SDK1: variants seen among roughly 807,000 people sequenced by gnomAD.
SDK1 encodes the protein protein sidekick-1.
Under a neutral mutation model 245.5 loss-of-function variants are expected in SDK1, and 157 were observed. The ratio of observed to expected loss-of-function variants is 0.64; its 90% CI spans 0.56 to 0.73. The LOEUF is 0.73. Among genes scored for constraint, SDK1 ranks in the 30% least tolerant of loss-of-function variants. The pLI is 0.00. For missense variants in SDK1, 3,583 were observed against 3,002.3 expected (o/e 1.19, Z -4.52); for synonymous variants, 1,647 against 1,278.5 (o/e 1.29, Z -6.15).
chr7:4,052,034 C>T lies in SDK1; in HGVS notation c.2911+204C>T, dbSNP rs115376854. Among the ~76,000 whole-genome samples, 517 of 152,100 alleles carry T rather than the reference C, an allele frequency of 3.4e-3. 5 individuals carry two copies. The highest frequency in any genetic ancestry group is 0.012 in the African/African-American group (488 of 41,510). On this transcript the variant is annotated intron_variant, in intron 19 of 44. Transcript: ENST00000404826. ...ATGGCACGTGGACAGTGGAGGGTGGCCTTGGCTCAAGGAAGGAGCTCTGGG... is the reference window on the plus strand; with the variant it reads ...ATGGCACGTGGACAGTGGAGGGTGGTCTTGGCTCAAGGAAGGAGCTCTGGG...
At chr7:3,824,340 A>G (rs117405437) in intron 5 of SDK1, among the ~76,000 whole-genome samples, 2,009 of 152,348 alleles carry the variant, frequency 0.013, 30 homozygotes, top group Middle Eastern at 0.031. Flanking sequence ...TGAAAAATCA[A>G]AAGATATTAC....
chr7:3,587,327 G>GTGTT (rs1780723660), intron 1 of SDK1, among the ~76,000 whole-genome samples: 1 of 143,120 alleles, frequency 7.0e-6, no homozygotes. Flanking sequence ...GTGTGTGTGT[G>GTGTT]TCTAAAGAGA....
intron 1 of SDK1, among the ~76,000 whole-genome samples, chr7:3,489,248 T>C (rs1272263418): frequency 6.6e-6 from 1 of 152,148 alleles, no homozygotes; most frequent in Non-Finnish European, 1.5e-5. Context: ...GTTGAATACT[T>C]TATTAGCCAT....
chr7:3,550,005 T>C (rs917033972), intron 1 of SDK1, among the ~76,000 whole-genome samples: 2 of 152,192 alleles, frequency 1.3e-5, no homozygotes, highest in Non-Finnish European at 2.9e-5. Flanking sequence ...GTCTGTAATA[T>C]GCCTATTAAA....
chr7:3,374,100 T>C (rs369780567), intron 1 of SDK1, among the ~76,000 whole-genome samples: 83 of 152,310 alleles, frequency 5.4e-4, no homozygotes, highest in African/African-American at 1.9e-3. Context: ...GACACTCTGA[T>C]ATCCACGGTA....
At chr7:3,419,273 G>A (rs1779468410) in intron 1 of SDK1, among the ~76,000 whole-genome samples, 1 of 152,166 alleles carries the variant, frequency 6.6e-6, no homozygotes. Context: ...TTGAACCTAG[G>A]CATCCTGGCT....
At chr7:3,730,229 C>A (rs1301391997) in intron 4 of SDK1, among the ~76,000 whole-genome samples, 1 of 152,168 alleles carries the variant, frequency 6.6e-6, no homozygotes, top group African/African-American at 2.4e-5. Context: ...AAGGGCATCT[C>A]AGCCTCACAT....
intron 5 of SDK1, among the ~76,000 whole-genome samples, chr7:3,837,381 C>T (rs768076580): frequency 6.6e-6 from 1 of 152,180 alleles, no homozygotes; most frequent in Non-Finnish European, 1.5e-5. Context: ...GGACCCCTTT[C>T]CCCAGTTTAA....
At chr7:3,302,163 C>T (rs1462081119) in intron 1 of SDK1, 7 of 160,462 alleles carry the variant, frequency 4.4e-5, no homozygotes, top group Non-Finnish European at 6.8e-5. Context: ...ACCCATTTCT[C>T]AGCTCCTTAA....
intron 1 of SDK1, among the ~76,000 whole-genome samples, chr7:3,388,465 A>G (rs1456869623): frequency 6.6e-6 from 1 of 152,014 alleles, no homozygotes; most frequent in African/African-American, 2.4e-5. Flanking sequence ...CAGTGGCAAG[A>G]TCATAGCTCA....
intron 14 of SDK1, among the ~76,000 whole-genome samples, chr7:3,990,795 G>C (rs1442978902): frequency 3.3e-5 from 5 of 152,212 alleles, no homozygotes; most frequent in African/African-American, 1.2e-4. Context: ...TTCCAAAACA[G>C]AGGCATTCTA....
intron 4 of SDK1, among the ~76,000 whole-genome samples, chr7:3,792,995 A>G (rs1053414865): frequency 5.3e-5 from 8 of 152,198 alleles, no homozygotes; most frequent in African/African-American, 7.2e-5. Context: ...GGGGAGGAAA[A>G]GATTCATTTC....
intron 22 of SDK1, among the ~76,000 whole-genome samples, chr7:4,097,274 G>C (rs527821085): frequency 2.4e-3 from 362 of 152,334 alleles, no homozygotes; most frequent in African/African-American, 8.4e-3. Flanking sequence ...TGTACGGCCA[G>C]GGGCTCTCAG....
intron 29 of SDK1, among the ~76,000 whole-genome samples, chr7:4,147,931 G>A (rs1191772212): frequency 6.6e-6 from 1 of 152,142 alleles, no homozygotes; most frequent in Admixed American, 6.5e-5. Flanking sequence ...CGGTCTCACA[G>A]CAGGTCCTCT....
At chr7:3,990,663 G>A (rs747770517) in intron 14 of SDK1, among the ~76,000 whole-genome samples, 1 of 152,188 alleles carries the variant, frequency 6.6e-6, no homozygotes, top group Non-Finnish European at 1.5e-5. Context: ...TCAGGACTGT[G>A]TCTCCTTTGT....
At chr7:3,539,980 T>G (rs980038438) in intron 1 of SDK1, among the ~76,000 whole-genome samples, 1 of 152,192 alleles carries the variant, frequency 6.6e-6, no homozygotes, top group African/African-American at 2.4e-5. Flanking sequence ...TAGATTTAAG[T>G]AAAACTCTGG....
intron 1 of SDK1, among the ~76,000 whole-genome samples, chr7:3,535,481 C>T (rs892375223): frequency 1.3e-5 from 2 of 152,110 alleles, no homozygotes; most frequent in Admixed American, 6.5e-5. Flanking sequence ...GGAAAGAAAG[C>T]TGGCTGGGGA....
chr7:3,518,945 G>T (rs372511908), intron 1 of SDK1, among the ~76,000 whole-genome samples: 1 of 149,852 alleles, frequency 6.7e-6, no homozygotes, highest in African/African-American at 2.5e-5. Context: ...TATATGCAAT[G>T]GAATACGCTA....
At chr7:3,340,403 T>C (rs1780314980) in intron 1 of SDK1, among the ~76,000 whole-genome samples, 1 of 152,086 alleles carries the variant, frequency 6.6e-6, no homozygotes, top group Non-Finnish European at 1.5e-5. Flanking sequence ...GTTGGAAAAA[T>C]GGTGCTGATA....
Sources: gnomAD v4.1 joint callset for allele counts (sites outside exome capture counted in the v4.1 genomes callset) on GRCh38, gnomAD v4.1.1 for gene constraint, MANE v1.5 for transcripts, NCBI Gene and HGNC (gene_info 2026-07-23, HGNC 2026-07-21) for gene names.